SCN9A: variants seen among roughly 807,000 people sequenced by gnomAD.
SCN9A encodes sodium channel protein type 9 subunit alpha.
In SCN9A, 131 loss-of-function variants were observed where a neutral mutation model predicts 187.0. That is an observed-to-expected ratio of 0.70 (90% CI 0.61 to 0.81). The LOEUF (loss-of-function observed/expected upper bound fraction) is 0.81. SCN9A is among the 30% of genes least tolerant of loss of function. The probability of loss-of-function intolerance (pLI) is 0.00; values close to 1 mark genes in which losing one functional copy is unlikely to be tolerated. For synonymous variants in SCN9A, 809 were observed against 808.6 expected (o/e 1.00, Z -0.01); for missense variants, 2,252 against 2,396.6 (o/e 0.94, Z 1.26).
At chr2:166,358,698 C>T (rs1700210105) in intron 1 of SCN9A, among the ~76,000 whole-genome samples, 1 of 152,050 alleles carries the variant, frequency 6.6e-6, no homozygotes, top group South Asian at 2.1e-4. Context: ...CCAGTGGCTC[C>T]TGTGTTTTAT....
chr2:166,300,474 C>G lies in SCN9A; in HGVS notation c.901+2616G>C, dbSNP rs529512025. Among the ~76,000 whole-genome samples, 25 of 150,932 alleles carry G rather than the reference C, an allele frequency of 1.7e-4. 2 individuals are homozygous for G. Among genetic ancestry groups the G allele is most frequent in the African/African-American group, 6.2e-4 (25 of 40,250 alleles). On this transcript the variant is annotated intron_variant, in intron 7 of 26. Coordinates refer to ENST00000642356, the MANE Select transcript of SCN9A (RefSeq NM_001365536.1). ...TCTCATCTAGTTGATATCTCAGCAC[C>G]TGAGACTCACTTCCTTTGCATGGCA... is the stretch of plus-strand genomic sequence containing the variant.
intron 9 of SCN9A, among the ~76,000 whole-genome samples, chr2:166,290,522 C>T (rs1698011900): frequency 6.6e-6 from 1 of 152,136 alleles, no homozygotes; most frequent in Admixed American, 6.6e-5. Flanking sequence ...AACTAATTTA[C>T]ACTCCCACCA....
intron 17 of SCN9A, among the ~76,000 whole-genome samples, chr2:166,271,197 C>T (rs11688584): frequency 0.45 from 68,410 of 151,428 alleles, 15,877 homozygotes; most frequent in Non-Finnish European, 0.51. Flanking sequence ...AAATTGTTTG[C>T]GGTTCAAAAA....
intron 1 of SCN9A, among the ~76,000 whole-genome samples, chr2:166,371,832 A>T (rs1445583752): frequency 1.3e-5 from 2 of 152,176 alleles, no homozygotes; most frequent in Admixed American, 1.3e-4. Flanking sequence ...TCCTCTTCAG[A>T]GCAAATTTTT....
At chr2:166,223,245 G>T (rs1319944448) in intron 24 of SCN9A, among the ~76,000 whole-genome samples, 1 of 152,154 alleles carries the variant, frequency 6.6e-6, no homozygotes, top group East Asian at 1.9e-4. Flanking sequence ...GGATCTCAGA[G>T]TCCTTACTTC....
chr2:166,240,983 C>A (rs956280856), intron 19 of SCN9A, among the ~76,000 whole-genome samples: 3 of 152,110 alleles, frequency 2.0e-5, no homozygotes, highest in African/African-American at 7.2e-5. Flanking sequence ...CCCCATGAGA[C>A]CTGGGTAAAG....
chr2:166,357,525 A>G (rs1700178429), intron 1 of SCN9A, among the ~76,000 whole-genome samples: 1 of 152,048 alleles, frequency 6.6e-6, no homozygotes, highest in Admixed American at 6.6e-5. Context: ...ATGCTAAATG[A>G]CACCCCCACC....
intron 22 of SCN9A, 117 bp downstream of exon 22, chr2:166,228,572 TTA>T: frequency 1.1e-6 from 1 of 944,416 alleles, no homozygotes; most frequent in Non-Finnish European, 1.4e-6. Context: ...TGGCACTGTT[TTA>T]AAAACCACAC....
At chr2:166,334,013 C>T (rs1267476981) in intron 1 of SCN9A, among the ~76,000 whole-genome samples, 3 of 152,002 alleles carry the variant, frequency 2.0e-5, no homozygotes, top group Non-Finnish European at 4.4e-5. Context: ...TTTCAAATTG[C>T]ATAATCCTAT....
chr2:166,242,644 C>T lies in SCN9A; in HGVS notation c.3485G>A (p.Arg1162Lys), dbSNP rs1433614261. 2.6e-6 allele frequency: 4 copies of T among 1,550,452 alleles called. No individual in the cohort carries two copies. The African/African-American group carries it at 4.1e-5, about 16-fold the overall frequency. Residue 1162 changes from arginine to lysine, a missense_variant, in exon 19 of 27, where the codon AGG (arginine) becomes AAG (lysine). Arg to Lys is a conservative substitution (Grantham distance 26). Transcript: ENST00000642356. ...TATGTTAACTTGGCAGCATGAGAAC[C>T]TCCATACACAACCTGACAAGAAAGA... The part of the protein sequence containing the change: ...EACFTDGCVW[R>K]FSCCQVNIES...
At chr2:166,297,470 A>T (rs1698368652) in intron 7 of SCN9A, among the ~76,000 whole-genome samples, 1 of 152,118 alleles carries the variant, frequency 6.6e-6, no homozygotes, top group Non-Finnish European at 1.5e-5. Context: ...TACCATGGAT[A>T]AATTTTGAAA....
chr2:166,325,434 C>T lies in SCN9A; in HGVS notation c.-50-13628G>A, dbSNP rs1699339372. Among the ~76,000 whole-genome samples the T allele has an allele frequency of 2.0e-5, 3 of 151,940 alleles. No homozygotes were observed. The South Asian group carries it at 6.2e-4, about 32-fold the overall frequency. On this transcript the variant is annotated intron_variant, in intron 1 of 26. Coordinates refer to ENST00000642356, the MANE Select transcript of SCN9A (RefSeq NM_001365536.1). The stretch of plus-strand genomic sequence containing the variant: ...GATAATTTTCTATAAATGCACTCTC[C>T]TGGGTCAGGAATGAGCTTATGACTT...
At chr2:166,219,924 A>G (rs1257819499) in intron 24 of SCN9A, among the ~76,000 whole-genome samples, 1 of 152,214 alleles carries the variant, frequency 6.6e-6, no homozygotes, top group Non-Finnish European at 1.5e-5. Flanking sequence ...CCCCATAAAT[A>G]AGCACAATTT....
intron 24 of SCN9A, among the ~76,000 whole-genome samples, chr2:166,220,154 A>G (rs990932737): frequency 6.6e-6 from 1 of 152,226 alleles, no homozygotes; most frequent in African/African-American, 2.4e-5. Flanking sequence ...ACATGATCTG[A>G]GAAGGATAAA....
intron 17 of SCN9A, among the ~76,000 whole-genome samples, chr2:166,257,280 A>G (rs936016203): frequency 6.6e-6 from 1 of 151,672 alleles, no homozygotes; most frequent in Admixed American, 6.6e-5. Flanking sequence ...CTTAGCAAAC[A>G]TAAAGGCAAA....
intron 24 of SCN9A, among the ~76,000 whole-genome samples, chr2:166,220,305 T>C (rs1183007169): frequency 6.6e-6 from 1 of 152,214 alleles, no homozygotes; most frequent in African/African-American, 2.4e-5. Flanking sequence ...CCAAAGCTCA[T>C]GTTGCAATTT....
rs759087854 is a variant in SCN9A, at chr2:166,303,188, A to G, written c.803T>C (p.Met268Thr). 1.9e-6 allele frequency: 3 copies of G among 1,613,602 alleles called. No homozygotes were observed. Among genetic ancestry groups the G allele is most frequent in the African/African-American group, 2.7e-5 (2 of 74,906 alleles). The change falls in exon 7 of 27, where the codon ATG becomes ACG. Residue 268 changes from methionine (M) to threonine (T), a missense_variant. Met to Thr is a moderately conservative substitution (Grantham distance 81). Transcript: ENST00000642356. ...AAAACATTTATGCTTCAGGTTTCCC[A>G]TGAACAGCTGTAGTCCAATTAGTGC... is the stretch of plus-strand genomic sequence containing the variant. ...VFALIGLQLF[M>T]GNLKHKCFRN...
intron 1 of SCN9A, among the ~76,000 whole-genome samples, chr2:166,319,312 A>T (rs1027146464): frequency 1.3e-5 from 2 of 150,826 alleles, no homozygotes; most frequent in Non-Finnish European, 3.0e-5. Context: ...ACTCCTTTTT[A>T]TCTTTTTTTT....
intron 1 of SCN9A, among the ~76,000 whole-genome samples, chr2:166,357,991 AT>A (rs59265133): frequency 2.6e-5 from 4 of 151,028 alleles, no homozygotes; most frequent in Admixed American, 6.6e-5. Context: ...TATTTCATAA[AT>A]TTTTTTTCAT....
Sources: gnomAD v4.1 joint callset for allele counts (sites outside exome capture counted in the v4.1 genomes callset) on GRCh38, gnomAD v4.1.1 for gene constraint, MANE v1.5 for transcripts, NCBI Gene and HGNC (gene_info 2026-07-23, HGNC 2026-07-21) for gene names.